Variants in CLCA1 observed in about 807,000 individuals in gnomAD.
CLCA1 encodes calcium-activated chloride channel regulator 1.
A neutral mutation model predicts 85.6 loss-of-function variants in CLCA1; 59 were observed. The observed-to-expected ratio is 0.69, with a 90% CI of 0.56 to 0.86. The LOEUF (loss-of-function observed/expected upper bound fraction) is 0.86, where lower values mean the gene tolerates loss of function less well. Ranked by LOEUF, CLCA1 falls within the 40% of genes least tolerant of loss-of-function variation. The pLI, the probability that CLCA1 is intolerant of heterozygous loss-of-function variation, is 0.00. For synonymous variants in CLCA1, 396 were observed against 398.3 expected (o/e 0.99, Z 0.07); for missense variants, 1,022 against 1,101.4 (o/e 0.93, Z 1.02).
intron 7 of CLCA1, among the ~76,000 whole-genome samples, chr1:86,487,036 C>G (rs1648001500): frequency 6.6e-6 from 1 of 152,140 alleles, no homozygotes; most frequent in Non-Finnish European, 1.5e-5. Flanking sequence ...TTCCAGTTTC[C>G]CATGTGGCAG....
chr1:86,484,440 T>C (rs1647906734), intron 5 of CLCA1, among the ~76,000 whole-genome samples: 1 of 152,062 alleles, frequency 6.6e-6, no homozygotes, highest in African/African-American at 2.4e-5. Context: ...ATTAGAGACA[T>C]GGAATACACA....
intron 1 of CLCA1, among the ~76,000 whole-genome samples, chr1:86,470,153 C>T (rs2101725355): frequency 6.6e-6 from 1 of 152,260 alleles, no homozygotes; most frequent in Non-Finnish European, 1.5e-5. Context: ...CAGAGATCCA[C>T]TGCTCTAAGC....
At chr1:86,499,287 T>C (rs1648388260) in intron 13 of CLCA1, among the ~76,000 whole-genome samples, 1 of 152,236 alleles carries the variant, frequency 6.6e-6, no homozygotes, top group African/African-American at 2.4e-5. Context: ...GGGTGATTTG[T>C]ACACACATTA....
chr1:86,486,722 C>T lies in CLCA1; in HGVS notation c.1151C>T (p.Ser384Phe), dbSNP rs746971261. 12 of 1,614,072 alleles carry T rather than the reference C, an allele frequency of 7.4e-6. No individual in the cohort carries two copies. Among genetic ancestry groups the T allele is most frequent in the Middle Eastern group, 3.3e-4 (2 of 6,084 alleles). ...RLPAAASGGT[S>F]ICSGLRSAFT... ...CCTGCAGCAGCTTCAGGAGGGACGT[C>T]CATCTGCAGCGGGCTTCGATCGGCA... Residue 384 changes from serine (S) to phenylalanine (F), a missense_variant, in exon 7 of 14, where the codon TCC (serine) becomes TTC (phenylalanine). Physicochemically the swap from Ser to Phe is radical, Grantham distance 155 (BLOSUM62 -2). Coordinates refer to ENST00000394711, the MANE Select transcript of CLCA1 (RefSeq NM_001285.4).
chr1:86,497,144 C>T (rs1288726041), intron 12 of CLCA1, among the ~76,000 whole-genome samples: 6 of 152,278 alleles, frequency 3.9e-5, no homozygotes, highest in African/African-American at 1.4e-4. Flanking sequence ...TGTAAGTATC[C>T]CTTTTTAAAG....
In CLCA1 at chr1:86,488,998, G is replaced by A. The variant is rs376884803; in HGVS notation, c.1185G>A (p.Val395=). ...ICSGLRSAFT[V]IRKKYPTDGS... is the part of the protein sequence containing the mutation. Reference sequence around the variant, plus strand: ...CGTGCCCTAAATTCTGTCCTTAGGTGATTAGGAAGAAATATCCAACTGATG... The same window carrying A: ...CGTGCCCTAAATTCTGTCCTTAGGTAATTAGGAAGAAATATCCAACTGATG... Residue 395 remains valine (V), a splice_region_variant and synonymous_variant, in exon 8 of 14, where the codon GTG becomes GTA. Transcript: ENST00000394711. 5.3e-5 allele frequency: 85 copies of A among 1,613,442 alleles called. No homozygotes were observed. Among genetic ancestry groups the A allele is most frequent in the Non-Finnish European group, 7.1e-5 (84 of 1,179,614 alleles).
intron 8 of CLCA1, among the ~76,000 whole-genome samples, chr1:86,490,829 G>A (rs970251946): frequency 4.0e-5 from 6 of 150,424 alleles, no homozygotes; most frequent in Admixed American, 6.6e-5. Context: ...ATTTTAGGAG[G>A]CCAAGGCAGG....
rs757402438 is a variant in CLCA1 at position 86,482,383 on chromosome 1, G to A, written c.735+1G>A. The A allele has an allele frequency of 4.3e-6, 7 of 1,612,674 alleles. No homozygotes were observed. Among genetic ancestry groups the A allele is most frequent in the East Asian group, 2.2e-5 (1 of 44,864 alleles). On this transcript the variant is annotated splice_donor_variant, in intron 5 of 13. Coordinates refer to ENST00000394711, the MANE Select transcript of CLCA1 (RefSeq NM_001285.4). LOFTEE classifies it high-confidence loss of function. Reference sequence around the variant, plus strand: ...AATGTTTGCACAACATGTTGATTCTGTAAGTACCTTGTTCTCACCCCCTCC... The same window carrying A: ...AATGTTTGCACAACATGTTGATTCTATAAGTACCTTGTTCTCACCCCCTCC...
chr1:86,477,942 G>A (rs188364822), intron 4 of CLCA1, among the ~76,000 whole-genome samples: 1 of 152,302 alleles, frequency 6.6e-6, no homozygotes, highest in Admixed American at 6.5e-5. Flanking sequence ...GATGCACTCG[G>A]CTTTGATTCC....
chr1:86,495,689 A>C lies in CLCA1; in HGVS notation c.2113+14A>C, dbSNP rs377704014. On this transcript the variant is annotated intron_variant, in intron 12 of 13. Transcript: ENST00000394711. ...GGATTGAGAATGGTAAGTAATTTGTAATAACATACCTGGCTTGTGCAAAAG... is the reference window on the plus strand; with the variant it reads ...GGATTGAGAATGGTAAGTAATTTGTCATAACATACCTGGCTTGTGCAAAAG... 1.2e-6 allele frequency: 2 copies of C among 1,600,604 alleles called. No individual in the cohort carries two copies. The highest frequency in any genetic ancestry group is 2.7e-5 in the African/African-American group (2 of 74,766).
chr1:86,477,964 A>T (rs952619897), intron 4 of CLCA1, among the ~76,000 whole-genome samples: 4 of 152,046 alleles, frequency 2.6e-5, no homozygotes, highest in Non-Finnish European at 5.9e-5. Context: ...AACTGTCTTG[A>T]CCTAGTACAA....
rs1362446085 is a variant in CLCA1 at position 86,489,298 on chromosome 1, C to G, written c.1357+128C>G. On this transcript the variant is annotated intron_variant, in intron 8 of 13. Coordinates refer to ENST00000394711, the MANE Select transcript of CLCA1 (RefSeq NM_001285.4). The stretch of plus-strand genomic sequence containing the variant: ...ATAACCTAATTGGCTAACTAGCCAC[C>G]CTTACCCCTGAATGACTGTTTAAGT... 1.7e-5 allele frequency: 14 copies of G among 822,220 alleles called. No homozygotes were observed. In the South Asian group the frequency reaches 1.8e-4, roughly 11 times the overall value. The allele number at this position is 822,220 out of a possible 1,614,324, so 50.9% of individuals were successfully genotyped here.
Position 86,473,527 on chromosome 1 carries a change from T to C in CLCA1, c.273T>C (p.Tyr91=), listed in dbSNP as rs373779478. The change falls in exon 2 of 14, where the codon TAT becomes TAC. Residue 91 remains tyrosine (Y), a synonymous_variant. Coordinates refer to ENST00000394711, the MANE Select transcript of CLCA1 (RefSeq NM_001285.4). ...AAACATGGAAGACAAAGGCTGACTA[T>C]GTGAGACCAAAACTTGAGACCTACA... is the stretch of plus-strand genomic sequence containing the variant. The part of the protein sequence containing the change: ...IPETWKTKAD[Y]VRPKLETYKN... 1.9e-6 allele frequency: 3 copies of C among 1,608,694 alleles called. No homozygotes were observed. The highest frequency in any genetic ancestry group is 2.5e-6 in the Non-Finnish European group (3 of 1,177,406).
Position 86,494,379 on chromosome 1 carries a change from A to G in CLCA1, c.1873A>G (p.Ser625Gly), listed in dbSNP as rs557341333. Residue 625 changes from serine (S) to glycine (G), a missense_variant, in exon 11 of 14, where the codon AGT becomes GGT. Ser to Gly is a moderately conservative substitution (Grantham distance 56, BLOSUM62 0). Coordinates refer to ENST00000394711, the MANE Select transcript of CLCA1 (RefSeq NM_001285.4). ...AGGAGCCTCCCCAATTCTCAGGGCC[A>G]GTGTCACAGCCCTGATTGAATCAGT... is the stretch of plus-strand genomic sequence containing the variant. Reference protein sequence around the residue: ...RQGASPILRASVTALIESVNG... With the variant: ...RQGASPILRAGVTALIESVNG... 22 of 1,613,962 alleles carry G rather than the reference A, an allele frequency of 1.4e-5. No individual in the cohort carries two copies. The highest frequency in any genetic ancestry group is 2.2e-5 in the South Asian group (2 of 91,086).
chr1:86,481,340 T>C (rs945555268), intron 4 of CLCA1, among the ~76,000 whole-genome samples: 1 of 152,014 alleles, frequency 6.6e-6, no homozygotes. Context: ...GGTTTCGCCA[T>C]GTTGCCCAGG....
rs771000574 is a variant in CLCA1 at position 86,494,345 on chromosome 1, T to C, written c.1839T>C (p.Asn613=). The change falls in exon 11 of 14, where the codon AAT becomes AAC. Residue 613 remains asparagine, a synonymous_variant. Coordinates refer to ENST00000394711, the MANE Select transcript of CLCA1 (RefSeq NM_001285.4). ...KFPSPLVVYA[N]IRQGASPILR... The stretch of plus-strand genomic sequence containing the variant: ...CCAGCCCTCTGGTAGTTTATGCAAA[T>C]ATTCGCCAAGGAGCCTCCCCAATTC... The C allele has an allele frequency of 5.0e-6, 8 of 1,614,132 alleles. No homozygotes were observed. The highest frequency in any genetic ancestry group is 6.8e-6 in the Non-Finnish European group (8 of 1,180,022).
intron 3 of CLCA1, among the ~76,000 whole-genome samples, chr1:86,475,646 T>A (rs1647619707): frequency 6.6e-6 from 1 of 152,060 alleles, no homozygotes; most frequent in Admixed American, 6.6e-5. Context: ...AGAAGCTTGA[T>A]TTTCAAAGAA....
chr1:86,491,203 C>A, intron 8 of CLCA1, 62 bp from the exon 9 acceptor site: 1 of 1,223,128 alleles, frequency 8.2e-7, no homozygotes, highest in Non-Finnish European at 1.2e-6. Flanking sequence ...TAAACAACAG[C>A]TAAAATGTTG....
chr1:86,486,493 C>T (rs369109046), intron 6 of CLCA1, 33 bp from the exon 7 acceptor site: 31 of 1,593,806 alleles, frequency 1.9e-5, no homozygotes, highest in Middle Eastern at 1.7e-4. Context: ...TCCATCTAAA[C>T]GTAACCTGTT....
Sources: gnomAD v4.1 joint callset for allele counts (sites outside exome capture counted in the v4.1 genomes callset) on GRCh38, gnomAD v4.1.1 for gene constraint, MANE v1.5 for transcripts, NCBI Gene and HGNC (gene_info 2026-07-23, HGNC 2026-07-21) for gene names.